The following MDGA2 variants were observed in gnomAD, a reference collection of about 807,000 sequenced individuals.
MDGA2 encodes the protein MAM domain-containing glycosylphosphatidylinositol anchor protein 2.
Under a neutral mutation model 117.8 loss-of-function variants are expected in MDGA2, and 40 were observed. The ratio of observed to expected loss-of-function variants is 0.34; its 90% confidence interval spans 0.26 to 0.44. The LOEUF is 0.44. Among genes scored for constraint, MDGA2 ranks in the 20% least tolerant of loss-of-function variants. The pLI, the probability that MDGA2 is intolerant of heterozygous loss-of-function variation, is 1.00. For synonymous variants in MDGA2, 452 were observed against 439.0 expected, an observed-to-expected ratio of 1.03 and a Z score of -0.37; for missense variants, 1,123 against 1,250.6, an observed-to-expected ratio of 0.90 and a Z score of 1.54.
chr14:47,171,808 G>A (rs1015562554), intron 3 of MDGA2, among the ~76,000 whole-genome samples: 6 of 152,172 alleles, frequency 3.9e-5, no homozygotes, highest in African/African-American at 9.7e-5. Context: ...GACAGTGGGT[G>A]CAGCACACCA....
intron 1 of MDGA2, among the ~76,000 whole-genome samples, chr14:47,468,508 C>G (rs1228808293): frequency 6.6e-6 from 1 of 152,074 alleles, no homozygotes; most frequent in African/African-American, 2.4e-5. Flanking sequence ...TATGTGAATA[C>G]CAACTCTGAT....
intron 9 of MDGA2, among the ~76,000 whole-genome samples, chr14:46,927,096 T>C (rs1341990968): frequency 6.6e-6 from 1 of 152,170 alleles, no homozygotes; most frequent in Non-Finnish European, 1.5e-5. Flanking sequence ...TGAGATTCTG[T>C]CCTTCTGAAG....
chr14:47,380,740 G>A (rs1178910721), intron 1 of MDGA2, among the ~76,000 whole-genome samples: 1 of 151,860 alleles, frequency 6.6e-6, no homozygotes, highest in African/African-American at 2.4e-5. Context: ...ACCAAAAAAT[G>A]TCCAGGACCA....
At chr14:47,556,227 C>T (rs1895680509) in intron 1 of MDGA2, among the ~76,000 whole-genome samples, 1 of 152,098 alleles carries the variant, frequency 6.6e-6, no homozygotes, top group African/African-American at 2.4e-5. Context: ...CTCTGTTGCC[C>T]ACTTAATCAA....
intron 1 of MDGA2, among the ~76,000 whole-genome samples, chr14:47,514,311 T>C (rs1253157827): frequency 1.3e-5 from 2 of 152,092 alleles, no homozygotes. Flanking sequence ...AATGTGACAC[T>C]GACGAGCCAT....
intron 1 of MDGA2, among the ~76,000 whole-genome samples, chr14:47,428,395 T>TA (rs1489063429): frequency 6.6e-6 from 1 of 152,154 alleles, no homozygotes; most frequent in South Asian, 2.1e-4. Flanking sequence ...GATGTTTTTA[T>TA]AGTGAGTTAT....
At chr14:47,477,407 G>A (rs1893866720) in intron 1 of MDGA2, among the ~76,000 whole-genome samples, 1 of 152,060 alleles carries the variant, frequency 6.6e-6, no homozygotes, top group South Asian at 2.1e-4. Flanking sequence ...TTGTGAAATG[G>A]AAGGAAGACT....
intron 3 of MDGA2, among the ~76,000 whole-genome samples, chr14:47,186,013 C>T (rs540124452): frequency 1.3e-4 from 20 of 151,518 alleles, no homozygotes; most frequent in African/African-American, 4.1e-4. Context: ...AATATGTGTA[C>T]ATATGTTCAT....
At chr14:47,169,246 C>A (rs1166679475) in intron 3 of MDGA2, among the ~76,000 whole-genome samples, 4 of 151,912 alleles carry the variant, frequency 2.6e-5, no homozygotes, top group Non-Finnish European at 5.9e-5. Context: ...TAACATTTGA[C>A]AACTTTAACA....
intron 5 of MDGA2, among the ~76,000 whole-genome samples, chr14:47,106,638 C>T (rs1254308882): frequency 2.6e-5 from 4 of 152,164 alleles, no homozygotes; most frequent in Non-Finnish European, 2.9e-5. Flanking sequence ...CAGATCTTCT[C>T]GGCTTAGCAG....
chr14:47,049,629 A>G (rs1413473684), intron 7 of MDGA2, among the ~76,000 whole-genome samples: 2 of 152,016 alleles, frequency 1.3e-5, no homozygotes, highest in African/African-American at 4.8e-5. Context: ...TCTCTGGGGT[A>G]GGAATGATCC....
chr14:47,316,732 T>G (rs973311885), intron 1 of MDGA2, among the ~76,000 whole-genome samples: 4 of 152,008 alleles, frequency 2.6e-5, no homozygotes, highest in Admixed American at 6.6e-5. Flanking sequence ...GATTCCCTAT[T>G]ATAATCTCAA....
At chr14:46,908,106 A>G (rs1221272638) in intron 10 of MDGA2, among the ~76,000 whole-genome samples, 2 of 152,188 alleles carry the variant, frequency 1.3e-5, no homozygotes, top group Non-Finnish European at 2.9e-5. Context: ...AATGATCCTT[A>G]AAATCACAAT....
chr14:47,106,721 T>C (rs1231147371), intron 5 of MDGA2, among the ~76,000 whole-genome samples: 1 of 151,456 alleles, frequency 6.6e-6, no homozygotes, highest in Non-Finnish European at 1.5e-5. Flanking sequence ...CCGGTAACTC[T>C]CACAGTGGAA....
At chr14:47,211,606 T>C (rs777900851) in intron 3 of MDGA2, among the ~76,000 whole-genome samples, 2 of 152,112 alleles carry the variant, frequency 1.3e-5, no homozygotes, top group African/African-American at 2.4e-5. Flanking sequence ...ACTATCCTGG[T>C]CAGGAAACAA....
chr14:47,597,789 A>C (rs1390244399), intron 1 of MDGA2, among the ~76,000 whole-genome samples: 1 of 151,752 alleles, frequency 6.6e-6, no homozygotes, highest in East Asian at 1.9e-4. Flanking sequence ...TTTTAGAGAG[A>C]GTTAAATATA....
At chr14:47,000,409 TTA>T (rs1169849366) in intron 8 of MDGA2, among the ~76,000 whole-genome samples, 6 of 81,938 alleles carry the variant, frequency 7.3e-5, no homozygotes, top group African/African-American at 2.3e-4. Flanking sequence ...AAATATATAT[TTA>T]TATATATACA....
At chr14:47,223,809 T>C (rs893719518) in intron 2 of MDGA2, among the ~76,000 whole-genome samples, 1 of 152,174 alleles carries the variant, frequency 6.6e-6, no homozygotes, top group Admixed American at 6.5e-5. Flanking sequence ...CTCACAGTTC[T>C]ACATGGCTGA....
At chr14:47,174,080 T>C (rs1032609908) in intron 3 of MDGA2, among the ~76,000 whole-genome samples, 3 of 152,146 alleles carry the variant, frequency 2.0e-5, no homozygotes, top group Non-Finnish European at 1.5e-5. Context: ...AAGGGATCGA[T>C]TCAACAAGAA....
Sources: gnomAD v4.1 joint callset for allele counts (sites outside exome capture counted in the v4.1 genomes callset) on GRCh38, gnomAD v4.1.1 for gene constraint, MANE v1.5 for transcripts, NCBI Gene and HGNC (gene_info 2026-07-23, HGNC 2026-07-21) for gene names.